The following TM2D1 variants were observed in gnomAD, a reference collection of about 807,000 sequenced individuals.
The protein encoded by TM2D1 is TM2 domain containing 1, also known as TM2 domain-containing protein 1.
In TM2D1, 15 loss-of-function variants were observed where a neutral mutation model predicts 28.4. That is an observed-to-expected ratio of 0.53 (90% CI 0.35 to 0.81). TM2D1 has a LOEUF of 0.81. TM2D1 is among the 40% of genes least tolerant of loss of function. TM2D1 has a pLI of 0.01. For synonymous variants in TM2D1, 93 were observed against 96.2 expected, an observed-to-expected ratio of 0.97 and a Z score of 0.20; for missense variants, 236 against 254.9, an observed-to-expected ratio of 0.93 and a Z score of 0.50.
chr1:61,710,503 T>TACACAC (rs4020071), intron 2 of TM2D1, among the ~76,000 whole-genome samples: 5 of 126,634 alleles, frequency 3.9e-5, no homozygotes, highest in African/African-American at 1.4e-4. Flanking sequence ...TATACACACA[T>TACACAC]ACACACACAC....
intron 5 of TM2D1, among the ~76,000 whole-genome samples, chr1:61,693,500 T>C (rs546187019): frequency 6.6e-6 from 1 of 152,200 alleles, no homozygotes; most frequent in African/African-American, 2.4e-5. Context: ...TAAGCATATG[T>C]GCACAAGTAC....
At chr1:61,724,779 T>A in intron 1 of TM2D1, 178 bp downstream of exon 1, 1 of 618,458 alleles carries the variant, frequency 1.6e-6, no homozygotes, top group Non-Finnish European at 2.5e-6. Flanking sequence ...AAGGGTGGCC[T>A]CTGGCCCTCC....
At chr1:61,683,181 T>G (rs528535785) in intron 6 of TM2D1, 20 of 197,092 alleles carry the variant, frequency 1.0e-4, no homozygotes, top group Non-Finnish European at 1.0e-4. Flanking sequence ...GATGTTACTT[T>G]TTTCTTGTGA....
intron 6 of TM2D1, 198 bp downstream of exon 6, chr1:61,683,219 A>C (rs1222342114): frequency 3.2e-5 from 8 of 250,308 alleles, no homozygotes; most frequent in Non-Finnish European, 6.0e-5. Flanking sequence ...TATGCACTGC[A>C]AAGAGTCTGA....
chr1:61,713,376 G>A (rs1231501151), intron 2 of TM2D1, among the ~76,000 whole-genome samples: 1 of 151,600 alleles, frequency 6.6e-6, no homozygotes, highest in Admixed American at 6.6e-5. Flanking sequence ...TACTCAGGAG[G>A]CTGAGGCAGG....
chr1:61,711,767 C>T (rs903291397), intron 2 of TM2D1, among the ~76,000 whole-genome samples: 4 of 152,138 alleles, frequency 2.6e-5, no homozygotes, highest in Non-Finnish European at 4.4e-5. Flanking sequence ...GATTATATCT[C>T]TTGAAAATCT....
At chr1:61,714,220 T>A (rs1644500798) in intron 2 of TM2D1, among the ~76,000 whole-genome samples, 2 of 149,566 alleles carry the variant, frequency 1.3e-5, no homozygotes, top group South Asian at 4.3e-4. Flanking sequence ...CTAGGTGAGT[T>A]GAAAATGCCT....
At chr1:61,710,491 CATATACACACAT>C (rs1233635291) in intron 2 of TM2D1, among the ~76,000 whole-genome samples, 3 of 88,908 alleles carry the variant, frequency 3.4e-5, no homozygotes, top group East Asian at 5.0e-4. Context: ...CACACACACA[CATATACACACAT>C]ACACACACAC....
intron 3 of TM2D1, among the ~76,000 whole-genome samples, chr1:61,701,249 A>G (rs72925663): frequency 0.02 from 3,040 of 151,366 alleles, 107 homozygotes; most frequent in African/African-American, 0.07. Flanking sequence ...GTAACAAGCA[A>G]TAAACACAAA....
intron 5 of TM2D1, among the ~76,000 whole-genome samples, chr1:61,691,939 A>ATATATATATATG (rs1557527335): frequency 7.3e-5 from 7 of 96,056 alleles, no homozygotes; most frequent in East Asian, 5.6e-4. Flanking sequence ...AAAAATATAT[A>ATATATATATATG]TATATATATA....
chr1:61,687,918 T>C (rs2148034211), intron 5 of TM2D1, among the ~76,000 whole-genome samples: 1 of 152,350 alleles, frequency 6.6e-6, no homozygotes, highest in Admixed American at 6.5e-5. Context: ...AAATAACTAA[T>C]ACTTTCTTAA....
At chr1:61,721,089 G>T (rs1340855801) in intron 2 of TM2D1, among the ~76,000 whole-genome samples, 4 of 152,052 alleles carry the variant, frequency 2.6e-5, no homozygotes, top group Non-Finnish European at 5.9e-5. Context: ...AAATTAGCCA[G>T]GTGTAGTGGC....
chr1:61,691,932 A>AAAAAAAATATATATATATATATGTAT, intron 5 of TM2D1, among the ~76,000 whole-genome samples: 4 of 76,404 alleles, frequency 5.2e-5, no homozygotes, highest in African/African-American at 1.9e-4. Context: ...AAAAAAAAAA[A>AAAAAAAATATATATATATATATGTAT]ATATATATAT....
intron 5 of TM2D1, among the ~76,000 whole-genome samples, chr1:61,691,864 G>A (rs1351515400): frequency 7.0e-6 from 1 of 143,658 alleles, no homozygotes; most frequent in African/African-American, 2.5e-5. Flanking sequence ...GCGGTGAGCC[G>A]AGATCAAGCC....
chr1:61,694,807 G>T (rs1644352434), intron 4 of TM2D1, 37 bp from the exon 5 acceptor site: 6 of 1,414,732 alleles, frequency 4.2e-6, no homozygotes, highest in Non-Finnish European at 5.8e-6. Flanking sequence ...AATCTGGAAG[G>T]TCTTCTAAAT....
chr1:61,702,197 T>C (rs1040121925), intron 3 of TM2D1, among the ~76,000 whole-genome samples: 1 of 151,016 alleles, frequency 6.6e-6, no homozygotes, highest in Non-Finnish European at 1.5e-5. Flanking sequence ...CTCAAAAAAA[T>C]AATAAAAAAT....
chr1:61,688,787 A>G (rs993854982), intron 5 of TM2D1, among the ~76,000 whole-genome samples: 32 of 148,314 alleles, frequency 2.2e-4, no homozygotes, highest in Middle Eastern at 3.4e-3. Context: ...GCTTATGCCC[A>G]TAATACCAGC....
At chr1:61,713,183 A>T (rs915937721) in intron 2 of TM2D1, among the ~76,000 whole-genome samples, 1 of 151,316 alleles carries the variant, frequency 6.6e-6, no homozygotes, top group Non-Finnish European at 1.5e-5. Flanking sequence ...AAAAAAAAAA[A>T]GCTGAGAATC....
intron 3 of TM2D1, among the ~76,000 whole-genome samples, chr1:61,703,475 C>T (rs1644417785): frequency 6.9e-6 from 1 of 144,454 alleles, no homozygotes; most frequent in Non-Finnish European, 1.5e-5. Context: ...TGCAATGGCA[C>T]GATCTCGGCT....
Sources: gnomAD v4.1 joint callset for allele counts (sites outside exome capture counted in the v4.1 genomes callset) on GRCh38, gnomAD v4.1.1 for gene constraint, MANE v1.5 for transcripts, NCBI Gene and HGNC (gene_info 2026-07-23, HGNC 2026-07-21) for gene names.